KDF1: variants seen among roughly 807,000 people sequenced by gnomAD.
KDF1 encodes RP11-344H11.3.
A neutral mutation model predicts 31.6 loss-of-function variants in KDF1; 11 were observed. That is an observed-to-expected ratio of 0.35 (90% CI 0.22 to 0.58). The LOEUF is 0.58. KDF1 is among the 20% of genes least tolerant of loss of function. The pLI is 0.83. For synonymous variants in KDF1, 205 were observed against 214.4 expected (o/e 0.96, Z 0.38); for missense variants, 476 against 549.1 (o/e 0.87, Z 1.33).
intron 1 of KDF1, among the ~76,000 whole-genome samples, chr1:26,953,506 C>T (rs2082362004): frequency 6.6e-6 from 1 of 152,146 alleles, no homozygotes; most frequent in South Asian, 2.1e-4. Context: ...TGGAAACAAT[C>T]CCAGTGTCTA....
rs746551079 is a variant in KDF1, at chr1:26,950,138, G to A, written c.1128C>T (p.Ser376=). Residue 376 remains serine (S), a synonymous_variant, in exon 4 of 4, where the codon AGC becomes AGT. Transcript: ENST00000320567. This position sits in a 1 kb window ranked among gnomAD's most constrained non-coding sequence, Gnocchi z 4.0. ...CGGTGCCCTGGAAGGATGAGTCATGGCTTGCTGGGTACCCTGGTAGGAAGG... is the reference window on the plus strand; with the variant it reads ...CGGTGCCCTGGAAGGATGAGTCATGACTTGCTGGGTACCCTGGTAGGAAGG... ...RPYGAPGYPA[S]HDSSFQGTDT... 11 of 1,613,646 alleles carry A rather than the reference G, an allele frequency of 6.8e-6. No individual in the cohort carries two copies. The highest frequency in any genetic ancestry group is 9.3e-6 in the Non-Finnish European group (11 of 1,179,740).
Position 26,950,291 on chromosome 1 carries a change from C to T in KDF1, c.1115-140G>A. The T allele has an allele frequency of 1.3e-6, 1 of 741,972 alleles. No individual in the cohort carries two copies. The highest frequency in any genetic ancestry group is 2.3e-6 in the Non-Finnish European group (1 of 429,684). 46.0% of individuals were successfully genotyped at this position (741,972 alleles called of 1,614,324 possible). On this transcript the variant is annotated intron_variant, in intron 3 of 3. Coordinates refer to ENST00000320567, the MANE Select transcript of KDF1 (RefSeq NM_152365.3). The surrounding 1 kb of genome is among the most constrained non-coding windows in gnomAD (Gnocchi z 4.0). ...AGTCTGATCCTGGCTGGATGACCCA[C>T]TCAGTTTATTGACCTCTCTGAGCCC...
At chr1:26,955,780 C>T (rs531023824) in intron 1 of KDF1, among the ~76,000 whole-genome samples, 94 of 152,218 alleles carry the variant, frequency 6.2e-4, no homozygotes, top group Middle Eastern at 3.4e-3. Context: ...CATGGTGAAA[C>T]CCTGTCTCTA....
At chr1:26,953,714 G>T (rs1352214668) in intron 1 of KDF1, among the ~76,000 whole-genome samples, 2 of 152,150 alleles carry the variant, frequency 1.3e-5, no homozygotes, top group Admixed American at 6.5e-5. Context: ...CAGCAATTTG[G>T]GAGGCTGGGA....
In KDF1 at chr1:26,959,159, G is replaced by C. The variant is rs1054123913; in HGVS notation, c.-33+1191C>G. Among the ~76,000 whole-genome samples, 19 of 152,312 alleles carry C rather than the reference G, an allele frequency of 1.2e-4. No individual in the cohort carries two copies. The East Asian group carries it at 3.1e-3, about 25-fold the overall frequency. ...TAAGATTTGCACTGTGGCCCGCCAG[G>C]CTCTGAAGCCTGCGTACTTTGTGTG... On this transcript the variant is annotated intron_variant, in intron 1 of 3. Transcript: ENST00000320567.
chr1:26,951,247 G>C lies in KDF1; in HGVS notation c.1039+95C>G. On this transcript the variant is annotated intron_variant, in intron 2 of 3. Coordinates refer to ENST00000320567, the MANE Select transcript of KDF1 (RefSeq NM_152365.3). The surrounding 1 kb of genome is among the most constrained non-coding windows in gnomAD (Gnocchi z 5.4). ...GGAGGAAAGGCAGGGACTGGCTGAG[G>C]GGTAGACCCACAGTGACTAAAGACC... is the stretch of plus-strand genomic sequence containing the variant. 1 of 1,251,444 alleles carries C rather than the reference G, an allele frequency of 8.0e-7. No individual in the cohort carries two copies. The allele number at this position is 1,251,444 out of a possible 1,614,324, so 77.5% of individuals were successfully genotyped here.
Position 26,949,788 on chromosome 1 carries a change from A to C in KDF1, c.*281T>G. 1 of 380,472 alleles carries C rather than the reference A, an allele frequency of 2.6e-6. No individual in the cohort carries two copies. Among genetic ancestry groups the C allele is most frequent in the Non-Finnish European group, 4.9e-6 (1 of 202,760 alleles). 23.6% of individuals were successfully genotyped at this position (380,472 alleles called of 1,614,324 possible). A position where few individuals can be genotyped will look rare whatever the true frequency, so the allele number is the denominator to read the frequency against. ...AGTCAGGGTTCACTCCCAGAAGGTA[A>C]TGCCTAACTCCTTACTTTCCATGAT... On this transcript the variant is annotated 3_prime_UTR_variant, in exon 4 of 4. Transcript: ENST00000320567.
chr1:26,952,431 G>A lies in KDF1; in HGVS notation c.-32-19C>T. Reference sequence around the variant, plus strand: ...CAGGCACCTGCGTGGGGAGAGGCCAGGAAGGAGTCAGGATCAGAGGTGAGG... The same window carrying A: ...CAGGCACCTGCGTGGGGAGAGGCCAAGAAGGAGTCAGGATCAGAGGTGAGG... On this transcript the variant is annotated intron_variant, in intron 1 of 3. Transcript: ENST00000320567. This position sits in a 1 kb window ranked among gnomAD's most constrained non-coding sequence, Gnocchi z 4.1. 1 of 1,461,890 alleles carries A rather than the reference G, an allele frequency of 6.8e-7. No homozygotes were observed. The highest frequency in any genetic ancestry group is 1.4e-5 in the South Asian group (1 of 72,854). 90.6% of individuals were successfully genotyped at this position (1,461,890 alleles called of 1,614,324 possible). A position where few individuals can be genotyped will look rare whatever the true frequency, so the allele number is the denominator to read the frequency against.
In KDF1 at chr1:26,951,928, G is replaced by C. The variant is rs2082351760; in HGVS notation, c.453C>G (p.Leu151=). The C allele has an allele frequency of 5.6e-6, 9 of 1,605,074 alleles. 1 individual carries two copies. The South Asian group carries it at 1.0e-4, about 18-fold the overall frequency. ...APPSRRDGQR[L]KSTMGSSFSY... ...TGAAGCTGCTGCCCATGGTTGACTT[G>C]AGCCGCTGGCCATCCCGCCGGCTGG... The change falls in exon 2 of 4, where the codon CTC becomes CTG. Residue 151 remains leucine, a synonymous_variant. Transcript: ENST00000320567. The surrounding 1 kb of genome is among the most constrained non-coding windows in gnomAD (Gnocchi z 5.4).
At chr1:26,954,864 CTT>C (rs1253011497) in intron 1 of KDF1, among the ~76,000 whole-genome samples, 256 of 133,764 alleles carry the variant, frequency 1.9e-3, no homozygotes, top group African/African-American at 6.6e-3. Flanking sequence ...AATAAGTTAC[CTT>C]TTTTTTTTTT....
At chr1:26,958,711 T>G (rs1423671066) in intron 1 of KDF1, among the ~76,000 whole-genome samples, 1 of 152,180 alleles carries the variant, frequency 6.6e-6, no homozygotes, top group Non-Finnish European at 1.5e-5. Flanking sequence ...TCCCATCTAT[T>G]ACTTGGGAGA....
At position 26,952,539 on chromosome 1, in the gene KDF1, A is replaced by C; in HGVS notation, c.-32-127T>G. The C allele has an allele frequency of 3.1e-6, 2 of 640,882 alleles. No homozygotes were observed. The highest frequency in any genetic ancestry group is 3.7e-5 in the African/African-American group (2 of 54,350). The allele number at this position is 640,882 out of a possible 1,614,324, so 39.7% of individuals were successfully genotyped here. A position where few individuals can be genotyped will look rare whatever the true frequency, so the allele number is the denominator to read the frequency against. ...GATGTGGATGGACCCAAGTATGCCC[A>C]AAAACCCTTGCCTGGGATGTGGATG... is the stretch of plus-strand genomic sequence containing the variant. On this transcript the variant is annotated intron_variant, in intron 1 of 3. Transcript: ENST00000320567. This position sits in a 1 kb window ranked among gnomAD's most constrained non-coding sequence, Gnocchi z 4.1.
rs754527168 is a variant in KDF1, at chr1:26,950,658, C to A, written c.1114+24G>T. On this transcript the variant is annotated intron_variant, in intron 3 of 3. Transcript: ENST00000320567. The surrounding 1 kb of genome is among the most constrained non-coding windows in gnomAD (Gnocchi z 4.0). The stretch of plus-strand genomic sequence containing the variant: ...CTAGGGTAGTCCCCCACCCTCCACA[C>A]CCCTCATTAGGTCAAGACCACACCT... The A allele has an allele frequency of 2.5e-6, 4 of 1,603,074 alleles. No homozygotes were observed. The Admixed American group carries it at 5.0e-5, about 20-fold the overall frequency.
chr1:26,957,837 A>G (rs552283291), intron 1 of KDF1, among the ~76,000 whole-genome samples: 80 of 152,012 alleles, frequency 5.3e-4, no homozygotes, highest in African/African-American at 1.9e-3. Context: ...TTATTATTTG[A>G]GACAGTCTTA....
intron 1 of KDF1, among the ~76,000 whole-genome samples, chr1:26,955,002 C>A (rs553547700): frequency 6.6e-6 from 1 of 151,470 alleles, no homozygotes; most frequent in East Asian, 2.0e-4. Flanking sequence ...GGATTACAGA[C>A]GTCCGCTACC....
chr1:26,955,278 G>A (rs889242605), intron 1 of KDF1, among the ~76,000 whole-genome samples: 3 of 152,112 alleles, frequency 2.0e-5, no homozygotes, highest in Non-Finnish European at 4.4e-5. Context: ...AGCCTCTGTG[G>A]CTGCTCAACA....
Position 26,950,550 on chromosome 1 carries a change from G to T in KDF1, c.1114+132C>A. 1 of 766,716 alleles carries T rather than the reference G, an allele frequency of 1.3e-6. No individual in the cohort carries two copies. The highest frequency in any genetic ancestry group is 2.2e-6 in the Non-Finnish European group (1 of 446,774). 47.5% of individuals were successfully genotyped at this position (766,716 alleles called of 1,614,324 possible). On this transcript the variant is annotated intron_variant, in intron 3 of 3. Coordinates refer to ENST00000320567, the MANE Select transcript of KDF1 (RefSeq NM_152365.3). The surrounding 1 kb of genome is among the most constrained non-coding windows in gnomAD (Gnocchi z 4.0). The stretch of plus-strand genomic sequence containing the variant: ...CAGCTTGCTAGATGGAGACAGGTCT[G>T]TGGCTGCTTAGGTCCCCGTCCCTTT...
Position 26,952,747 on chromosome 1 carries a change from G to A in KDF1, c.-32-335C>T, listed in dbSNP as rs1342385408. Among the ~76,000 whole-genome samples the A allele has an allele frequency of 1.3e-5, 2 of 152,160 alleles. No individual in the cohort carries two copies. The highest frequency in any genetic ancestry group is 6.5e-5 in the Admixed American group (1 of 15,274). On this transcript the variant is annotated intron_variant, in intron 1 of 3. Coordinates refer to ENST00000320567, the MANE Select transcript of KDF1 (RefSeq NM_152365.3). This position sits in a 1 kb window ranked among gnomAD's most constrained non-coding sequence, Gnocchi z 4.1. ...TGTAATCCCAGCACTTTGGGAGGCC[G>A]AGGCAGGCAGATCACCTGAGGTCAG... is the stretch of plus-strand genomic sequence containing the variant.
intron 1 of KDF1, among the ~76,000 whole-genome samples, chr1:26,955,380 G>C (rs2082373228): frequency 6.6e-6 from 1 of 152,062 alleles, no homozygotes; most frequent in Non-Finnish European, 1.5e-5. Flanking sequence ...AATTTACAAG[G>C]TCTGTCAATA....
Sources: allele counts gnomAD v4.1 joint callset (sites outside exome capture counted in the v4.1 genomes callset), GRCh38; gene constraint gnomAD v4.1.1; non-coding constraint Gnocchi (gnomAD v3.1); transcripts MANE v1.5; gene names NCBI Gene and HGNC (gene_info 2026-07-23, HGNC 2026-07-21).